The following VCAM1 variants were observed in gnomAD, a reference collection of about 807,000 sequenced individuals.
VCAM1 encodes vascular cell adhesion molecule 1, also known as vascular cell adhesion protein 1.
VCAM1 carries 41 observed loss-of-function variants against 63.8 expected under a neutral mutation model. That is an observed-to-expected ratio of 0.64 (90% CI 0.50 to 0.83). VCAM1 has a LOEUF of 0.83. VCAM1 is among the 40% of genes least tolerant of loss of function. The pLI, the probability that VCAM1 is intolerant of heterozygous loss-of-function variation, is 0.00. For missense variants in VCAM1, 798 were observed against 875.5 expected, an observed-to-expected ratio of 0.91 and a Z score of 1.12; for synonymous variants, 338 against 320.7, an observed-to-expected ratio of 1.05 and a Z score of -0.58.
At chr1:100,738,054 G>A (rs1295644050) in intron 8 of VCAM1, 69 bp from the exon 9 acceptor site, 13 of 1,516,358 alleles carry the variant, frequency 8.6e-6, no homozygotes, top group South Asian at 1.2e-5. Context: ...TAATAAACAT[G>A]TAACTGTTGT....
chr1:100,730,414 T>A (rs1557905287), intron 5 of VCAM1, among the ~76,000 whole-genome samples: 1 of 152,112 alleles, frequency 6.6e-6, no homozygotes, highest in Admixed American at 6.6e-5. Flanking sequence ...AGGAAAAAAA[T>A]GTTTAAGCAT....
chr1:100,723,471 C>G (rs1476408), intron 3 of VCAM1, 131 bp downstream of exon 3: 929,725 of 932,778 alleles, frequency 1, 463,394 homozygotes, highest in East Asian at 1. Flanking sequence ...TATTCATTCA[C>G]AACATAATGT....
rs1314672581 is a variant in VCAM1 at position 100,724,661 on chromosome 1, C to A, written c.699C>A (p.Ser233=). The stretch of plus-strand genomic sequence containing the variant: ...ATACAGTTATTTCTGTGAATCCATC[C>A]ACAAAGCTGCAAGAAGGTGGCTCTG... ...PKNTVISVNP[S]TKLQEGGSVT... Residue 233 remains serine, a synonymous_variant, in exon 4 of 9, where the codon TCC becomes TCA. Transcript: ENST00000294728. 6.2e-7 allele frequency: 1 copy of A among 1,612,990 alleles called. No homozygotes were observed. The highest frequency in any genetic ancestry group is 1.7e-5 in the Admixed American group (1 of 59,854).
intron 4 of VCAM1, 67 bp downstream of exon 4, chr1:100,724,957 G>A (rs1273398166): frequency 1.3e-6 from 2 of 1,558,762 alleles, no homozygotes; most frequent in African/African-American, 1.4e-5. Flanking sequence ...AGTCAACACA[G>A]CTTCAATGCT....
Position 100,732,566 on chromosome 1 carries a change from T to A in VCAM1, c.1674T>A (p.Leu558=). The part of the protein sequence containing the change: ...RQLPNGELQP[L]SENATLTLIS... ...TCCCTAACGGGGAGCTACAGCCTCTTTCTGAGAATGCAACTCTCACCTTAA... is the reference window on the plus strand; with the variant it reads ...TCCCTAACGGGGAGCTACAGCCTCTATCTGAGAATGCAACTCTCACCTTAA... The change falls in exon 7 of 9, where the codon CTT becomes CTA. Residue 558 remains leucine, a synonymous_variant. Coordinates refer to ENST00000294728, the MANE Select transcript of VCAM1 (RefSeq NM_001078.4). 3 of 1,613,430 alleles carry A rather than the reference T, an allele frequency of 1.9e-6. No homozygotes were observed. The highest frequency in any genetic ancestry group is 2.5e-6 in the Non-Finnish European group (3 of 1,179,716).
intron 4 of VCAM1, among the ~76,000 whole-genome samples, chr1:100,726,633 A>G (rs1660170909): frequency 6.6e-6 from 1 of 151,642 alleles, no homozygotes; most frequent in African/African-American, 2.4e-5. Context: ...TACACTCAAC[A>G]CTCCTTATAG....
rs1659884342 is a variant in VCAM1 at position 100,719,792 on chromosome 1, G to A, written c.-69G>A. On this transcript the variant is annotated 5_prime_UTR_variant, in exon 1 of 9. Coordinates refer to ENST00000294728, the MANE Select transcript of VCAM1 (RefSeq NM_001078.4). ...GCTTCAGGAGCTGAATACCCTCCCA[G>A]GCACACACAGGTGGGACACAAATAA... 1 of 1,540,136 alleles carries A rather than the reference G, an allele frequency of 6.5e-7. No individual in the cohort carries two copies. The highest frequency in any genetic ancestry group is 8.9e-7 in the Non-Finnish European group (1 of 1,123,332).
intron 2 of VCAM1, among the ~76,000 whole-genome samples, chr1:100,721,105 C>T (rs1256923697): frequency 6.6e-6 from 1 of 152,032 alleles, no homozygotes; most frequent in African/African-American, 2.4e-5. Context: ...GCTTATGTGT[C>T]TGATTGATTT....
At chr1:100,732,241 C>T (rs1660488254) in intron 6 of VCAM1, among the ~76,000 whole-genome samples, 177 bp from the exon 7 acceptor site, 1 of 152,186 alleles carries the variant, frequency 6.6e-6, no homozygotes, top group African/African-American at 2.4e-5. Flanking sequence ...CCATGTTCTA[C>T]TCTATCATTT....
rs527633247 is a variant in VCAM1, at chr1:100,731,534, A to G, written c.1525+16A>G. 275 of 1,599,744 alleles carry G rather than the reference A, an allele frequency of 1.7e-4. No individual in the cohort carries two copies. Among genetic ancestry groups the G allele is most frequent in the Non-Finnish European group, 2.2e-4 (257 of 1,172,310 alleles). On this transcript the variant is annotated intron_variant, in intron 6 of 8. Transcript: ENST00000294728. The surrounding 1 kb of genome is among the most constrained non-coding windows in gnomAD (Gnocchi z 4.2). ...TATGTCAATGGTAAGTACATATGTGAGGTATCTACAGTTTAATACCTGTCT... is the reference window on the plus strand; with the variant it reads ...TATGTCAATGGTAAGTACATATGTGGGGTATCTACAGTTTAATACCTGTCT...
At position 100,738,275 on chromosome 1, in the gene VCAM1, A is replaced by G. The variant is rs533475074; in HGVS notation, c.2212A>G (p.Lys738Glu). The G allele has an allele frequency of 6.2e-7, 1 of 1,613,072 alleles. No homozygotes were observed. Among genetic ancestry groups the G allele is most frequent in the Admixed American group, 1.7e-5 (1 of 59,976 alleles). ...TAGTCTTGTAGAAGCACAGAAGTCA[A>G]AAGTGTAGCTAATGCTTGATATGTT... ...SYSLVEAQKS[K>E]V The change falls in exon 9 of 9, where the codon AAA becomes GAA. Residue 738 changes from lysine (K) to glutamate (E), a missense_variant. Physicochemically the swap from Lys to Glu is moderately conservative, Grantham distance 56. Coordinates refer to ENST00000294728, the MANE Select transcript of VCAM1 (RefSeq NM_001078.4).
chr1:100,738,025 A>C, intron 8 of VCAM1, 98 bp from the exon 9 acceptor site: 1 of 1,322,620 alleles, frequency 7.6e-7, no homozygotes, highest in East Asian at 2.3e-5. Context: ...TTCTCTTTGG[A>C]GAACTAGTTG....
rs749566790 is a variant in VCAM1, at chr1:100,731,220, C to A, written c.1227C>A (p.Ile409=). The change falls in exon 6 of 9, where the codon ATC becomes ATA. Residue 409 remains isoleucine (I), a synonymous_variant. Coordinates refer to ENST00000294728, the MANE Select transcript of VCAM1 (RefSeq NM_001078.4). This position sits in a 1 kb window ranked among gnomAD's most constrained non-coding sequence, Gnocchi z 4.2. ...CAGCATTCCCTAGAGATCCAGAAAT[C>A]GAGATGAGTGGTGGCCTCGTGAATG... ...ELYSFPRDPE[I]EMSGGLVNGS... 6.2e-7 allele frequency: 1 copy of A among 1,603,654 alleles called. No individual in the cohort carries two copies. Among genetic ancestry groups the A allele is most frequent in the African/African-American group, 1.3e-5 (1 of 74,458 alleles).
At chr1:100,736,854 T>A (rs1406061962) in intron 8 of VCAM1, 1 of 152,196 alleles carries the variant, frequency 6.6e-6, no homozygotes, top group Non-Finnish European at 1.5e-5. Context: ...TGACCTCCAG[T>A]GATTAGAAAG....
At chr1:100,734,451 G>A (rs2100834752) in intron 7 of VCAM1, 51 bp from the exon 8 acceptor site, 1 of 1,559,810 alleles carries the variant, frequency 6.4e-7, no homozygotes, top group Non-Finnish European at 8.7e-7. Flanking sequence ...TTAATATGGA[G>A]TTGGTTTATA....
chr1:100,733,489 T>C (rs2100833898), intron 7 of VCAM1, among the ~76,000 whole-genome samples: 1 of 152,294 alleles, frequency 6.6e-6, no homozygotes. Context: ...GGAAAGACAA[T>C]ACACATCCTT....
chr1:100,731,819 G>C lies in VCAM1; in HGVS notation c.1525+301G>C, dbSNP rs1660470449. Among the ~76,000 whole-genome samples the C allele has an allele frequency of 1.3e-5, 2 of 152,160 alleles. No individual in the cohort carries two copies. Among genetic ancestry groups the C allele is most frequent in the Non-Finnish European group, 2.9e-5 (2 of 68,028 alleles). ...ATTTTCAGTAAGGTTAGCAGGGCTG[G>C]CTGGTCTCAGATGACTTCACCCACA... On this transcript the variant is annotated intron_variant, in intron 6 of 8. Transcript: ENST00000294728. The surrounding 1 kb of genome is among the most constrained non-coding windows in gnomAD (Gnocchi z 4.2).
chr1:100,730,471 A>G (rs938108465), intron 5 of VCAM1, among the ~76,000 whole-genome samples: 2 of 152,142 alleles, frequency 1.3e-5, no homozygotes, highest in African/African-American at 4.8e-5. Context: ...ACTGATTTGT[A>G]CTGTATTATA....
chr1:100,734,912 C>A (rs1310995484), intron 8 of VCAM1, 144 bp downstream of exon 8: 4 of 987,334 alleles, frequency 4.1e-6, no homozygotes, highest in Non-Finnish European at 5.8e-6. Flanking sequence ...TCAAGCACAG[C>A]TGCTTTATCC....
Sources: allele counts gnomAD v4.1 joint callset (sites outside exome capture counted in the v4.1 genomes callset), GRCh38; gene constraint gnomAD v4.1.1; non-coding constraint Gnocchi (gnomAD v3.1); transcripts MANE v1.5; gene names NCBI Gene and HGNC (gene_info 2026-07-23, HGNC 2026-07-21).